KIAA1549L: variants seen among roughly 807,000 people sequenced by gnomAD.
KIAA1549L encodes KIAA1549 like.
In KIAA1549L, 88 loss-of-function variants were observed where a neutral mutation model predicts 160.7. That is an observed-to-expected ratio of 0.55 (90% confidence interval 0.46 to 0.65). The LOEUF is 0.65. KIAA1549L is among the 30% of genes least tolerant of loss of function. KIAA1549L has a pLI of 0.00. For synonymous variants in KIAA1549L, 950 were observed against 976.7 expected, an observed-to-expected ratio of 0.97 and a Z score of 0.51; for missense variants, 2,258 against 2,437.5, an observed-to-expected ratio of 0.93 and a Z score of 1.55.
At chr11:33,588,998 G>A (rs998144034) in intron 11 of KIAA1549L, among the ~76,000 whole-genome samples, 2 of 152,176 alleles carry the variant, frequency 1.3e-5, no homozygotes, top group Non-Finnish European at 2.9e-5. Flanking sequence ...CACAGTTCTA[G>A]ACTGGATTGT....
intron 16 of KIAA1549L, among the ~76,000 whole-genome samples, chr11:33,633,126 C>T (rs1851344337): frequency 6.7e-6 from 1 of 148,784 alleles, no homozygotes; most frequent in Admixed American, 6.7e-5. Flanking sequence ...CAGGTGCCCA[C>T]CACCATGCCC....
intron 16 of KIAA1549L, among the ~76,000 whole-genome samples, chr11:33,636,488 G>A (rs555237623): frequency 1.1e-4 from 17 of 151,538 alleles, no homozygotes; most frequent in African/African-American, 2.9e-4. Flanking sequence ...GTACTACCAC[G>A]CCCAGCTAAT....
chr11:33,472,218 T>C (rs985755448), intron 1 of KIAA1549L, among the ~76,000 whole-genome samples: 3 of 150,790 alleles, frequency 2.0e-5, no homozygotes, highest in African/African-American at 7.3e-5. Context: ...GCTCAAGCCA[T>C]CCTCCTGCCT....
chr11:33,445,521 G>A (rs1216806304), intron 1 of KIAA1549L, among the ~76,000 whole-genome samples: 1 of 152,168 alleles, frequency 6.6e-6, no homozygotes, highest in African/African-American at 2.4e-5. Flanking sequence ...ACATATTTTT[G>A]GGGCATTGTG....
At chr11:33,550,888 A>G (rs937687532) in intron 4 of KIAA1549L, among the ~76,000 whole-genome samples, 152 bp from the exon 5 acceptor site, 7 of 152,206 alleles carry the variant, frequency 4.6e-5, no homozygotes, top group Admixed American at 1.3e-4. Flanking sequence ...AATCCAAACT[A>G]TGCTTTATAG....
intron 1 of KIAA1549L, among the ~76,000 whole-genome samples, chr11:33,387,348 C>T (rs1448649108): frequency 1.3e-5 from 2 of 151,660 alleles, no homozygotes; most frequent in African/African-American, 4.8e-5. Flanking sequence ...TTCTGTTGTC[C>T]AGGCTGGAGT....
intron 17 of KIAA1549L, among the ~76,000 whole-genome samples, chr11:33,647,114 G>A (rs1323888075): frequency 1.3e-5 from 2 of 152,178 alleles, no homozygotes; most frequent in Non-Finnish European, 2.9e-5. Flanking sequence ...GTTGGACATG[G>A]TGGCTCACAC....
chr11:33,423,845 T>C (rs1008275299), intron 1 of KIAA1549L, among the ~76,000 whole-genome samples: 1 of 152,120 alleles, frequency 6.6e-6, no homozygotes, highest in Non-Finnish European at 1.5e-5. Context: ...CTGGGCAACA[T>C]AGCGAGATGC....
chr11:33,507,096 G>A (rs1443939776), intron 1 of KIAA1549L, among the ~76,000 whole-genome samples: 2 of 152,206 alleles, frequency 1.3e-5, no homozygotes, highest in African/African-American at 2.4e-5. Flanking sequence ...AGGTGTAGCA[G>A]AAGGAACATA....
intron 8 of KIAA1549L, among the ~76,000 whole-genome samples, chr11:33,563,491 C>T (rs1854944962): frequency 6.6e-6 from 1 of 152,096 alleles, no homozygotes; most frequent in African/African-American, 2.4e-5. Context: ...TCTCCCATCC[C>T]CTCTCTCACT....
At chr11:33,486,292 C>T (rs1232371515) in intron 1 of KIAA1549L, among the ~76,000 whole-genome samples, 2 of 152,074 alleles carry the variant, frequency 1.3e-5, no homozygotes, top group East Asian at 3.9e-4. Flanking sequence ...ATGGAAGTTC[C>T]TCAAAAAATT....
Position 33,543,080 on chromosome 11 carries a change from C to A in KIAA1549L, c.1517C>A (p.Thr506Asn). 1 of 1,613,970 alleles carries A rather than the reference C, an allele frequency of 6.2e-7. No homozygotes were observed. The highest frequency in any genetic ancestry group is 8.5e-7 in the Non-Finnish European group (1 of 1,179,896). ...ACAGCCGACTTTCCCTCCATACTTA[C>A]TTTCCTCCAGCCCACAGAGAATCAT... ...TGTADFPSIL[T>N]FLQPTENHAS... Residue 506 changes from threonine (T) to asparagine (N), a missense_variant, in exon 2 of 21, where the codon ACT (threonine) becomes AAT (asparagine). Around this residue, in one of 6 missense-constraint regions of KIAA1549L, gnomAD observed 540 missense variants for 465.7 expected, o/e 1.16. Transcript: ENST00000658780.
At chr11:33,632,635 G>T (rs1851328615) in intron 16 of KIAA1549L, among the ~76,000 whole-genome samples, 1 of 151,584 alleles carries the variant, frequency 6.6e-6, no homozygotes, top group African/African-American at 2.4e-5. Context: ...CTGGAGTACA[G>T]TGACATAATC....
intron 10 of KIAA1549L, among the ~76,000 whole-genome samples, chr11:33,576,686 A>G (rs1038178468): frequency 1.9e-4 from 29 of 152,212 alleles, no homozygotes; most frequent in Non-Finnish European, 1.5e-5. Context: ...GGCGCAAGAT[A>G]ATGATTCTGT....
At chr11:33,572,955 C>T (rs886277246) in intron 9 of KIAA1549L, among the ~76,000 whole-genome samples, 14 of 152,218 alleles carry the variant, frequency 9.2e-5, no homozygotes, top group African/African-American at 3.4e-4. Flanking sequence ...CTCATCAACA[C>T]TTGGTGTTGT....
intron 15 of KIAA1549L, among the ~76,000 whole-genome samples, chr11:33,612,552 C>T (rs1483260929): frequency 6.6e-6 from 1 of 152,050 alleles, no homozygotes; most frequent in African/African-American, 2.4e-5. Flanking sequence ...CCACTGCGCC[C>T]AGCCAACCAT....
At position 33,405,385 on chromosome 11, in the gene KIAA1549L, T is replaced by C. The variant is rs537637790; in HGVS notation, c.238+28496T>C. Among the ~76,000 whole-genome samples the C allele has an allele frequency of 2.2e-3, 337 of 152,288 alleles. 1 individual carries two copies. Among genetic ancestry groups the C allele is most frequent in the African/African-American group, 7.9e-3 (327 of 41,560 alleles). The stretch of plus-strand genomic sequence containing the variant: ...CATTACAGAATGACCAAGATTATTT[T>C]GAGCTACAAAATTATTAAGCAGTGG... On this transcript the variant is annotated intron_variant, in intron 1 of 20. Coordinates refer to ENST00000658780, the MANE Select transcript of KIAA1549L (RefSeq NM_012194.3).
rs767557500 is a variant in KIAA1549L, at chr11:33,545,030, G to A, written c.3037G>A (p.Ala1013Thr). 2 of 1,614,026 alleles carry A rather than the reference G, an allele frequency of 1.2e-6. No homozygotes were observed. The highest frequency in any genetic ancestry group is 1.6e-4 in the Middle Eastern group (1 of 6,062). Residue 1013 changes from alanine (A) to threonine (T), a missense_variant, in exon 3 of 21, where the codon GCA becomes ACA. Around this residue, in one of 6 missense-constraint regions of KIAA1549L, gnomAD observed 1,359 missense variants for 1,546.6 expected, o/e 0.88. Coordinates refer to ENST00000658780, the MANE Select transcript of KIAA1549L (RefSeq NM_012194.3). ...CCCATTCACACCAACCTACATGTAT[G>A]CAAGAACAGGACATACCACGAGCAC... is the stretch of plus-strand genomic sequence containing the variant. Reference protein sequence around the residue: ...AFPFTPTYMYARTGHTTSTHT... With the variant: ...AFPFTPTYMYTRTGHTTSTHT...
intron 17 of KIAA1549L, among the ~76,000 whole-genome samples, chr11:33,649,341 GGGAA>G (rs1313577422): frequency 9.6e-4 from 86 of 89,254 alleles, no homozygotes; most frequent in African/African-American, 6.8e-3. Flanking sequence ...GTCTCTACGG[GGGAA>G]AAAAAAAAAA....
Sources: allele counts gnomAD v4.1 joint callset (sites outside exome capture counted in the v4.1 genomes callset), GRCh38; gene constraint gnomAD v4.1.1; regional missense constraint gnomAD v4.1.1; transcripts MANE v1.5; gene names NCBI Gene and HGNC (gene_info 2026-07-23, HGNC 2026-07-21).